Variants in BMX observed in about 807,000 individuals in gnomAD.
BMX encodes BMX non-receptor tyrosine kinase.
BMX carries 31 observed loss-of-function variants against 59.2 expected under a neutral mutation model. The ratio of observed to expected loss-of-function variants is 0.52; its 90% CI spans 0.39 to 0.71. BMX has a LOEUF of 0.71. BMX is among the 30% of genes least tolerant of loss of function. The pLI is 0.00. For synonymous variants in BMX, 185 were observed against 181.0 expected (o/e 1.02, Z -0.18); for missense variants, 474 against 491.7 (o/e 0.96, Z 0.34).
chrX:15,508,514 A>C, intron 2 of BMX, 23 bp downstream of exon 2: 1 of 1,100,129 alleles, frequency 9.1e-7, no homozygotes, highest in Non-Finnish European at 1.2e-6. Flanking sequence ...GTGTTCCATT[A>C]TTTTTATACT....
intron 10 of BMX, 127 bp downstream of exon 10, chrX:15,530,154 C>A: frequency 1.5e-6 from 1 of 651,959 alleles, no homozygotes; most frequent in East Asian, 3.6e-5. Context: ...TGTTGCTTGT[C>A]CAGTCTGTGG....
chrX:15,502,949 C>T (rs1375750313), intron 1 of BMX, among the ~76,000 whole-genome samples: 1 of 111,574 alleles, frequency 9.0e-6, no homozygotes, highest in African/African-American at 3.3e-5. Context: ...TGCTCTACTG[C>T]CCTCCCACCA....
intron 18 of BMX, among the ~76,000 whole-genome samples, chrX:15,555,623 A>G (rs1926399093): frequency 9.0e-6 from 1 of 111,442 alleles, no homozygotes; most frequent in Admixed American, 9.5e-5. Context: ...TGGCGTTGCT[A>G]TTATAAATGG....
intron 6 of BMX, among the ~76,000 whole-genome samples, 191 bp from the exon 7 acceptor site, chrX:15,522,155 G>T (rs1924487923): frequency 9.0e-6 from 1 of 110,733 alleles, no homozygotes; most frequent in African/African-American, 3.3e-5. Flanking sequence ...ATGAGTTCCA[G>T]TTGCTCCATA....
At chrX:15,530,188 C>G (rs1223511197) in intron 10 of BMX, among the ~76,000 whole-genome samples, 161 bp downstream of exon 10, 1 of 111,938 alleles carries the variant, frequency 8.9e-6, no homozygotes, top group Non-Finnish European at 1.9e-5. Flanking sequence ...TCATGTCTAG[C>G]CACTACTTCT....
chrX:15,535,278 G>A (rs963057186), intron 12 of BMX, among the ~76,000 whole-genome samples: 15 of 111,865 alleles, frequency 1.3e-4, no homozygotes, highest in African/African-American at 4.9e-4. Context: ...GCAGTGGCTG[G>A]ATGAATTTCC....
chrX:15,503,405 T>C (rs1021147346), intron 1 of BMX, among the ~76,000 whole-genome samples: 20 of 112,611 alleles, frequency 1.8e-4, no homozygotes, highest in African/African-American at 5.5e-4. Flanking sequence ...TTATGGGTAG[T>C]TTCACCAAAC....
At position 15,513,881 on chromosome X, in the gene BMX, T is replaced by C. The variant is rs145828771; in HGVS notation, c.326-2231T>C. On this transcript the variant is annotated intron_variant, in intron 4 of 18. Transcript: ENST00000348343. ...TTGTACTACCTCTCTGCACTTCAGT[T>C]TACCTAACTCTGTGAGAGGTGTAAT... is the stretch of plus-strand genomic sequence containing the variant. 2.4e-3 allele frequency among the ~76,000 whole-genome samples: 272 copies of C among 111,887 alleles called. 3 individuals are homozygous for C. The highest frequency in any genetic ancestry group is 0.023 in the Admixed American group (246 of 10,514).
At chrX:15,503,629 T>C (rs1408265671) in intron 1 of BMX, among the ~76,000 whole-genome samples, 1 of 112,047 alleles carries the variant, frequency 8.9e-6, no homozygotes, top group Non-Finnish European at 1.9e-5. Flanking sequence ...CTAGGTTTCT[T>C]ATAAGATTTG....
chrX:15,520,914 T>C (rs966393943), intron 6 of BMX, among the ~76,000 whole-genome samples: 12 of 111,339 alleles, frequency 1.1e-4, no homozygotes, highest in Admixed American at 2.9e-4. Flanking sequence ...TCCTGCATAA[T>C]TAAAATTTCC....
chrX:15,550,147 A>G (rs1220084956), intron 18 of BMX, 150 bp downstream of exon 18: 1 of 650,926 alleles, frequency 1.5e-6, no homozygotes, highest in Admixed American at 4.1e-5. Flanking sequence ...AAATGTTTGT[A>G]ATCTAAAACA....
At chrX:15,513,403 A>C (rs918340659) in intron 4 of BMX, among the ~76,000 whole-genome samples, 3 of 111,543 alleles carry the variant, frequency 2.7e-5, no homozygotes, top group African/African-American at 9.8e-5. Context: ...TTTTTTTTCC[A>C]GTCTCTGTGC....
chrX:15,505,537 T>C (rs757405062), intron 1 of BMX, among the ~76,000 whole-genome samples: 2 of 112,502 alleles, frequency 1.8e-5, no homozygotes, highest in South Asian at 7.4e-4. Context: ...GAAAAACATC[T>C]AGAGATGTGC....
chrX:15,526,663 G>A (rs1161275880), intron 9 of BMX, among the ~76,000 whole-genome samples: 1 of 101,320 alleles, frequency 9.9e-6, no homozygotes, highest in Non-Finnish European at 2.0e-5. Context: ...TCGGCTCATT[G>A]CAACCTCCAC....
intron 9 of BMX, among the ~76,000 whole-genome samples, chrX:15,527,247 AATATATATATATATATATATAT>A (rs34046926): frequency 3.5e-5 from 2 of 56,358 alleles, no homozygotes; most frequent in Non-Finnish European, 5.9e-5. Context: ...CACACACACA[AATATATATATATATATATATAT>A]ATATATATAT....
rs372383572 is a variant in BMX at position 15,534,308 on chromosome X, G to A, written c.1116G>A (p.Lys372=). 9 of 1,188,435 alleles carry A rather than the reference G, an allele frequency of 7.6e-6. No individual in the cohort carries two copies. Among genetic ancestry groups the A allele is most frequent in the Non-Finnish European group, 9.0e-6 (8 of 885,945 alleles). The part of the protein sequence containing the change: ...AENYCFDSIP[K]LIHYHQHNSA... ...ACTACTGTTTTGATTCCATTCCAAAGCTTATTCATTATCATCAACACAATT... is the reference window on the plus strand; with the variant it reads ...ACTACTGTTTTGATTCCATTCCAAAACTTATTCATTATCATCAACACAATT... Residue 372 remains lysine (K), a synonymous_variant, in exon 12 of 19, where the codon AAG becomes AAA. Transcript: ENST00000348343.
intron 7 of BMX, among the ~76,000 whole-genome samples, chrX:15,524,559 A>T (rs995331498): frequency 8.9e-6 from 1 of 112,277 alleles, no homozygotes; most frequent in Non-Finnish European, 1.9e-5. Flanking sequence ...AAGCTATTCT[A>T]GTGGGCAAGG....
chrX:15,503,839 G>A (rs1180235768), intron 1 of BMX, among the ~76,000 whole-genome samples: 2 of 112,145 alleles, frequency 1.8e-5, no homozygotes, highest in African/African-American at 6.5e-5. Context: ...AGCTCCATAA[G>A]CTATAAGCAG....
intron 16 of BMX, among the ~76,000 whole-genome samples, chrX:15,545,732 G>A (rs779448722): frequency 4.5e-5 from 5 of 111,083 alleles, no homozygotes; most frequent in East Asian, 2.8e-4. Flanking sequence ...TTAGAGAGAC[G>A]GTTAACAACT....
Sources: gnomAD v4.1 joint callset for allele counts (sites outside exome capture counted in the v4.1 genomes callset) on GRCh38, gnomAD v4.1.1 for gene constraint, MANE v1.5 for transcripts, NCBI Gene and HGNC (gene_info 2026-07-23, HGNC 2026-07-21) for gene names.